The following EDARADD variants were observed in gnomAD, a reference collection of about 807,000 sequenced individuals.
The protein encoded by EDARADD is ectodysplasin-A receptor-associated adapter protein.
A neutral mutation model predicts 25.6 loss-of-function variants in EDARADD; 20 were observed. The observed-to-expected ratio is 0.78, with a 90% CI of 0.55 to 1.14. The LOEUF (loss-of-function observed/expected upper bound fraction) is 1.14. Among genes scored for constraint, EDARADD ranks in the 50% most tolerant of loss-of-function variants. The pLI is 0.00. For synonymous variants in EDARADD, 86 were observed against 94.4 expected (o/e 0.91, Z 0.52); for missense variants, 225 against 270.1 (o/e 0.83, Z 1.17).
chr1:236,467,111 C>T (rs1029074541), intron 4 of EDARADD, among the ~76,000 whole-genome samples: 14 of 151,770 alleles, frequency 9.2e-5, no homozygotes, highest in African/African-American at 1.9e-4. Context: ...GACACCAGGA[C>T]GGAGTTAGCA....
At chr1:236,377,665 C>T (rs12043845) in intron 3 of EDARADD, among the ~76,000 whole-genome samples, 1 of 151,118 alleles carries the variant, frequency 6.6e-6, no homozygotes, top group African/African-American at 2.4e-5. Flanking sequence ...CGAGACCATC[C>T]TGGCCAACAT....
chr1:236,464,561 T>C (rs760713637), intron 4 of EDARADD, among the ~76,000 whole-genome samples: 3 of 150,930 alleles, frequency 2.0e-5, no homozygotes, highest in Non-Finnish European at 4.4e-5. Context: ...CCCTCCTGAG[T>C]AGCTAGGAAC....
chr1:236,370,101 C>G, intron 3 of EDARADD, among the ~76,000 whole-genome samples: 1 of 152,076 alleles, frequency 6.6e-6, no homozygotes. Flanking sequence ...ATCTTGCCCA[C>G]TGCCTAGACA....
chr1:236,390,986 C>T (rs1386325361), upstream of EDARADD, among the ~76,000 whole-genome samples: 4 of 129,340 alleles, frequency 3.1e-5, no homozygotes, highest in African/African-American at 5.3e-5. Context: ...CTCACTCTGT[C>T]GCCAGGCTGG....
intron 3 of EDARADD, among the ~76,000 whole-genome samples, chr1:236,363,565 A>ATATTTATT: frequency 6.6e-6 from 1 of 150,674 alleles, no homozygotes; most frequent in South Asian, 2.1e-4. Flanking sequence ...CAAATGATTT[A>ATATTTATT]TATTTATTTA....
At chr1:236,391,846 C>T (rs962313708), upstream of EDARADD, among the ~76,000 whole-genome samples, 7 of 152,294 alleles carry the variant, frequency 4.6e-5, no homozygotes, top group Middle Eastern at 3.4e-3. Flanking sequence ...CCTTTCCACA[C>T]TTACGGCTGC....
At chr1:236,415,673 G>A (rs1450535828) in intron 3 of EDARADD, among the ~76,000 whole-genome samples, 1 of 152,152 alleles carries the variant, frequency 6.6e-6, no homozygotes, top group Non-Finnish European at 1.5e-5. Flanking sequence ...TTGAACTCCT[G>A]ACCTCAGATG....
chr1:236,392,055 C>T (rs1394909705), upstream of EDARADD, among the ~76,000 whole-genome samples: 1 of 152,308 alleles, frequency 6.6e-6, no homozygotes, highest in East Asian at 1.9e-4. Context: ...CCACAAACTC[C>T]TAACAGTCAG....
intron 1 of EDARADD, among the ~76,000 whole-genome samples, chr1:236,405,787 TTC>T (rs1667706729): frequency 2.2e-5 from 1 of 45,486 alleles, no homozygotes; most frequent in Admixed American, 2.3e-4. Flanking sequence ...CTTTCTTTCT[TTC>T]TTTTCTTTTT....
intron 4 of EDARADD, 100 bp from the exon 5 acceptor site, chr1:236,468,131 C>A: frequency 8.4e-7 from 1 of 1,192,910 alleles, no homozygotes; most frequent in South Asian, 1.2e-5. Flanking sequence ...CCACCCCAGC[C>A]CCCAGGGTTT....
At chr1:236,393,396 T>TTC, upstream of EDARADD, among the ~76,000 whole-genome samples, 2 of 123,654 alleles carry the variant, frequency 1.6e-5, no homozygotes, top group South Asian at 2.9e-4. Context: ...TCTTTCTTTT[T>TTC]TTTTTTTTTT....
chr1:236,467,031 A>T (rs1204089551), intron 4 of EDARADD, among the ~76,000 whole-genome samples: 1 of 151,834 alleles, frequency 6.6e-6, no homozygotes, highest in Non-Finnish European at 1.5e-5. Flanking sequence ...GTGCCACTGC[A>T]CTCCAGCCTG....
At chr1:236,458,641 C>CTTTTTCT (rs1658944667) in intron 4 of EDARADD, among the ~76,000 whole-genome samples, 1 of 113,538 alleles carries the variant, frequency 8.8e-6, no homozygotes, top group Non-Finnish European at 1.8e-5. Context: ...TTTTCTTTTT[C>CTTTTTCT]TTTTTTTTTT....
rs1462328802 is a variant in EDARADD, at chr1:236,464,428, T to TGC, written c.220-3803_220-3802insGC. ...ATGCGTGGTCCTTGCTGCAACTTTT[T>TGC]TTTTTTTTTTTTTTTTTTTTTTGAG... On this transcript the variant is annotated intron_variant, in intron 4 of 5. Transcript: ENST00000334232. Among the ~76,000 whole-genome samples the TGC allele has an allele frequency of 1.0e-3, 86 of 82,328 alleles. 3 individuals carry two copies. In the South Asian group the frequency reaches 0.027, roughly 26 times the overall value. 54.0% of individuals were successfully genotyped at this position (82,328 alleles called of 152,430 possible). A position where few individuals can be genotyped will look rare whatever the true frequency, so the allele number is the denominator to read the frequency against.
In EDARADD at chr1:236,416,298, C is replaced by T. The variant is rs778838993; in HGVS notation, c.160+1999C>T. 4.6e-5 allele frequency among the ~76,000 whole-genome samples: 7 copies of T among 152,168 alleles called. No homozygotes were observed. The South Asian group carries it at 6.2e-4, about 14-fold the overall frequency. On this transcript the variant is annotated intron_variant, in intron 3 of 5. Transcript: ENST00000334232. ...AGACAGGGGTGCAGGGAAATCCAGC[C>T]GAAGAAGTGTGAAAAATCAAGCTTA...
chr1:236,453,278 C>CT (rs71672500), intron 4 of EDARADD, among the ~76,000 whole-genome samples: 2,798 of 133,842 alleles, frequency 0.021, 70 homozygotes, highest in African/African-American at 0.057. Context: ...TTCTTTTTTT[C>CT]TTTTTTTTTT....
chr1:236,475,853 A>G (rs1252728479), intron 5 of EDARADD, among the ~76,000 whole-genome samples: 1 of 152,174 alleles, frequency 6.6e-6, no homozygotes, highest in Non-Finnish European at 1.5e-5. Context: ...AATGGTTGAT[A>G]TGATTGTTCA....
At chr1:236,369,520 A>G (rs956743042) in intron 3 of EDARADD, among the ~76,000 whole-genome samples, 5 of 152,164 alleles carry the variant, frequency 3.3e-5, no homozygotes, top group Admixed American at 3.3e-4. Flanking sequence ...TGTTTTTTGT[A>G]TAAGAGCCGG....
chr1:236,367,953 T>G (rs1044744271), intron 3 of EDARADD, among the ~76,000 whole-genome samples: 3 of 151,766 alleles, frequency 2.0e-5, no homozygotes, highest in Admixed American at 6.6e-5. Flanking sequence ...TACAAAAGAT[T>G]AAAAAATTAT....
Sources: gnomAD v4.1 joint callset for allele counts (sites outside exome capture counted in the v4.1 genomes callset) on GRCh38, gnomAD v4.1.1 for gene constraint, MANE v1.5 for transcripts, NCBI Gene and HGNC (gene_info 2026-07-23, HGNC 2026-07-21) for gene names.